Variants in OPCML observed in about 807,000 individuals in gnomAD.
The protein encoded by OPCML is opioid binding protein/cell adhesion molecule like.
OPCML carries 13 observed loss-of-function variants against 37.8 expected under a neutral mutation model. The observed-to-expected ratio is 0.34, with a 90% CI of 0.22 to 0.55. The LOEUF is 0.55. Ranked by LOEUF, OPCML falls within the 20% of genes least tolerant of loss-of-function variation. OPCML has a pLI of 0.91. For synonymous variants in OPCML, 176 were observed against 168.8 expected (o/e 1.04, Z -0.33); for missense variants, 341 against 435.6 (o/e 0.78, Z 1.93).
chr11:133,520,077 C>T (rs912588119), intron 1 of OPCML, among the ~76,000 whole-genome samples: 1 of 152,106 alleles, frequency 6.6e-6, no homozygotes, highest in African/African-American at 2.4e-5. Context: ...TAGAGCAGCT[C>T]TCCACCCCAC....
At chr11:132,671,614 A>G (rs1436676550) in intron 2 of OPCML, among the ~76,000 whole-genome samples, 2 of 152,162 alleles carry the variant, frequency 1.3e-5, no homozygotes, top group African/African-American at 4.8e-5. Flanking sequence ...CATTTTACTC[A>G]TATGTATGAA....
chr11:133,140,952 A>T (rs878965734), intron 1 of OPCML, among the ~76,000 whole-genome samples: 2 of 2,020 alleles, frequency 9.9e-4, no homozygotes, highest in African/African-American at 1.4e-3. Flanking sequence ...AAGACGACGA[A>T]GAAGAAGAAG....
chr11:132,437,444 G>A, intron 4 of OPCML, 85 bp from the exon 5 acceptor site: 1 of 1,547,608 alleles, frequency 6.5e-7, no homozygotes, highest in African/African-American at 1.4e-5. Flanking sequence ...GATTGTAGGA[G>A]GAGGAAGAGA....
At chr11:133,347,242 C>A (rs901406158) in intron 1 of OPCML, among the ~76,000 whole-genome samples, 1 of 152,196 alleles carries the variant, frequency 6.6e-6, no homozygotes, top group Non-Finnish European at 1.5e-5. Context: ...TGCTGCTACA[C>A]CTCTCCAAGG....
chr11:133,285,646 A>G, intron 1 of OPCML, among the ~76,000 whole-genome samples: 1 of 152,224 alleles, frequency 6.6e-6, no homozygotes, highest in Non-Finnish European at 1.5e-5. Flanking sequence ...ATTTCTGACA[A>G]TGCTGCTCAT....
In OPCML at chr11:132,797,122, A is replaced by G. The variant is rs189902487; in HGVS notation, c.147-139803T>C. On this transcript the variant is annotated intron_variant, in intron 2 of 7. Transcript: ENST00000524381. The stretch of plus-strand genomic sequence containing the variant: ...AAGTTGTTAAATTTGATTAAATCCA[A>G]CTTACCTTTTTCTTTTGTCACTTGT... Among the ~76,000 whole-genome samples, 388 of 152,318 alleles carry G rather than the reference A, an allele frequency of 2.5e-3. 1 individual carries two copies. Among genetic ancestry groups the G allele is most frequent in the African/African-American group, 8.9e-3 (369 of 41,578 alleles).
Position 132,420,221 on chromosome 11 carries a change from A to G in OPCML, c.989T>C (p.Leu330Pro), listed in dbSNP as rs774676448. 6.2e-7 allele frequency: 1 copy of G among 1,613,954 alleles called. No individual in the cohort carries two copies. The highest frequency in any genetic ancestry group is 1.7e-5 in the Admixed American group (1 of 60,004). The part of the protein sequence containing the change: ...ALACLWLSGT[L>P]LAHFFIKF ...AAACTTGATGAAGAAGTGGGCTAAG[A>G]GGGTCCCTGATAGCCAGAGACAAGC... The change falls in exon 8 of 8, where the codon CTC becomes CCC. Residue 330 changes from leucine to proline, a missense_variant. Leu to Pro is a moderately conservative substitution (Grantham distance 98). Transcript: ENST00000524381.
Position 133,532,454 on chromosome 11 carries a change from AAGAG to A in OPCML, c.-134_-131del, listed in dbSNP as rs1171238336. Reference sequence around the variant, plus strand: ...GTTTGCAAAGGGAGGGAGAGAGCAGAAGAGAGAGAGAGCGCGCGAGAGATGGGAG... The same window carrying A: ...GTTTGCAAAGGGAGGGAGAGAGCAGAAGAGAGAGCGCGCGAGAGATGGGAG... On this transcript the variant is annotated 5_prime_UTR_variant, in exon 1 of 8. Coordinates refer to ENST00000524381, the MANE Select transcript of OPCML (RefSeq NM_001012393.5). The A allele has an allele frequency of 8.8e-7, 1 of 1,139,992 alleles. No individual in the cohort carries two copies. Among genetic ancestry groups the A allele is most frequent in the South Asian group, 1.3e-5 (1 of 74,804 alleles). 70.6% of individuals were successfully genotyped at this position (1,139,992 alleles called of 1,614,324 possible). A position where few individuals can be genotyped will look rare whatever the true frequency, so the allele number is the denominator to read the frequency against.
At chr11:132,954,143 G>T (rs201300219) in intron 1 of OPCML, among the ~76,000 whole-genome samples, 1 of 150,560 alleles carries the variant, frequency 6.6e-6, no homozygotes. Context: ...TTGTTTTTTT[G>T]TTTGTTTTGT....
chr11:133,039,752 C>G (rs1398946822), intron 1 of OPCML, among the ~76,000 whole-genome samples: 2 of 152,056 alleles, frequency 1.3e-5, no homozygotes, highest in Admixed American at 1.3e-4. Flanking sequence ...AAGCAAGGCT[C>G]CTCATTCATG....
intron 1 of OPCML, among the ~76,000 whole-genome samples, chr11:132,967,960 C>T (rs1047536664): frequency 6.6e-6 from 1 of 152,286 alleles, no homozygotes; most frequent in Middle Eastern, 3.4e-3. Flanking sequence ...ATATGAAGAG[C>T]TTCCCTCATC....
intron 1 of OPCML, among the ~76,000 whole-genome samples, chr11:133,484,315 C>T (rs541233545): frequency 3.3e-5 from 5 of 152,102 alleles, no homozygotes; most frequent in Admixed American, 6.6e-5. Flanking sequence ...GTCTTAACTG[C>T]GTGGTCCAAT....
intron 1 of OPCML, among the ~76,000 whole-genome samples, chr11:133,306,091 G>A (rs1169289119): frequency 6.6e-6 from 1 of 152,170 alleles, no homozygotes; most frequent in East Asian, 1.9e-4. Context: ...CAATGCATCT[G>A]AATTGGTAGC....
chr11:133,435,385 T>G (rs893493567), intron 1 of OPCML, among the ~76,000 whole-genome samples: 2 of 152,196 alleles, frequency 1.3e-5, no homozygotes, highest in African/African-American at 4.8e-5. Context: ...TGAGTAGGCA[T>G]TTCATTTGTT....
intron 1 of OPCML, among the ~76,000 whole-genome samples, chr11:133,470,771 A>AAACAGGGATGGG (rs1311735086): frequency 6.6e-6 from 1 of 152,226 alleles, no homozygotes; most frequent in Admixed American, 6.5e-5. Flanking sequence ...CATTGAAAGC[A>AAACAGGGATGGG]AACAGGGATG....
At chr11:132,439,486 T>C (rs1205337791) in intron 4 of OPCML, among the ~76,000 whole-genome samples, 1 of 152,216 alleles carries the variant, frequency 6.6e-6, no homozygotes, top group Admixed American at 6.5e-5. Flanking sequence ...ATACACTAAC[T>C]CTTCAAGGTG....
In OPCML at chr11:132,899,267, T is replaced by C. The variant is rs1354515072; in HGVS notation, c.146+43659A>G. On this transcript the variant is annotated intron_variant, in intron 2 of 7. Transcript: ENST00000524381. ...GTAATTGTCATGAGTATTTTCTTCC[T>C]ATCTTGTTAAGGATATGTTTTGGTG... is the stretch of plus-strand genomic sequence containing the variant. 2.0e-5 allele frequency among the ~76,000 whole-genome samples: 3 copies of C among 152,228 alleles called. No homozygotes were observed. The East Asian group carries it at 5.8e-4, about 29-fold the overall frequency.
At chr11:133,315,013 G>C (rs182112601) in intron 1 of OPCML, among the ~76,000 whole-genome samples, 2 of 152,034 alleles carry the variant, frequency 1.3e-5, no homozygotes, top group Admixed American at 1.3e-4. Flanking sequence ...GAGAAACCAC[G>C]TGTATTGGGT....
At chr11:132,898,656 G>C (rs1591772487) in intron 2 of OPCML, among the ~76,000 whole-genome samples, 1 of 152,294 alleles carries the variant, frequency 6.6e-6, no homozygotes, top group South Asian at 2.1e-4. Flanking sequence ...GATACATGGA[G>C]TCAGGAATCA....
Sources: gnomAD v4.1 joint callset for allele counts (sites outside exome capture counted in the v4.1 genomes callset) on GRCh38, gnomAD v4.1.1 for gene constraint, MANE v1.5 for transcripts, NCBI Gene and HGNC (gene_info 2026-07-23, HGNC 2026-07-21) for gene names.